CLEC2A: variants seen among roughly 807,000 people sequenced by gnomAD.
CLEC2A encodes the protein C-type lectin domain family 2 member A, also known as keratinocyte-associated C-type lectin.
A neutral mutation model predicts 18.6 loss-of-function variants in CLEC2A; 19 were observed. That is an observed-to-expected ratio of 1.02 (90% CI 0.71 to 1.50). CLEC2A has a LOEUF of 1.50. CLEC2A is among the 40% of genes most tolerant of loss of function. The pLI, the probability that CLEC2A is intolerant of heterozygous loss-of-function variation, is 0.00. For missense variants in CLEC2A, 190 were observed against 207.9 expected (o/e 0.91, Z 0.53); for synonymous variants, 74 against 64.0 (o/e 1.16, Z -0.75).
At chr12:9,926,213 C>T (rs907959877) in intron 2 of CLEC2A, 47 bp downstream of exon 2, 5 of 1,145,946 alleles carry the variant, frequency 4.4e-6, no homozygotes, top group South Asian at 4.0e-5. Flanking sequence ...TACATGGACC[C>T]TTCAGGAGTG....
downstream of CLEC2A, among the ~76,000 whole-genome samples, chr12:9,910,390 T>C (rs1862967183): frequency 6.6e-6 from 1 of 152,160 alleles, no homozygotes; most frequent in Non-Finnish European, 1.5e-5. Context: ...CAACCTCCCC[T>C]CTATTGGAGG....
Position 9,924,757 on chromosome 12 carries a change from G to C in CLEC2A, c.139+1503C>G, listed in dbSNP as rs768223236. 7.2e-5 allele frequency among the ~76,000 whole-genome samples: 11 copies of C among 152,188 alleles called. No individual in the cohort carries two copies. In the South Asian group the frequency reaches 1.0e-3, roughly 14 times the overall value. On this transcript the variant is annotated intron_variant, in intron 2 of 4. Transcript: ENST00000455827. ...TTTAACTTAATATGATAGTGAAGGA[G>C]TTCAGAACATGATGCCCCGAAATAT...
chr12:9,899,308 T>C (rs1862793922), intron 4 of CLEC2A, among the ~76,000 whole-genome samples: 1 of 152,016 alleles, frequency 6.6e-6, no homozygotes, highest in African/African-American at 2.4e-5. Context: ...TATCTCATAG[T>C]ATGGAGACAC....
chr12:9,913,122 G>A (rs569466016), downstream of CLEC2A: 13 of 176,098 alleles, frequency 7.4e-5, no homozygotes, highest in Non-Finnish European at 1.1e-4. Flanking sequence ...TTTTTTTCAC[G>A]AACCTACTAT....
chr12:9,906,960 T>C (rs779491209), intron 4 of CLEC2A, among the ~76,000 whole-genome samples: 7 of 152,244 alleles, frequency 4.6e-5, no homozygotes, highest in Non-Finnish European at 8.8e-5. Flanking sequence ...CATTTTAAGA[T>C]GCTTGAGTCA....
At chr12:9,898,882 C>T (rs1175487829) in exon 5 of CLEC2A, 3 of 711,246 alleles carry the variant, frequency 4.2e-6, no homozygotes, top group African/African-American at 3.5e-5. Flanking sequence ...GGGGAAACGG[C>T]AGTCAGAGCT....
At chr12:9,929,397 T>C (rs1287713180) in intron 1 of CLEC2A, among the ~76,000 whole-genome samples, 1 of 152,156 alleles carries the variant, frequency 6.6e-6, no homozygotes, top group Non-Finnish European at 1.5e-5. Flanking sequence ...GTAAAAATGC[T>C]GTATAAATTT....
In CLEC2A at chr12:9,913,277, T is replaced by C. The variant is rs1437173231; in HGVS notation, c.*289A>G. 1 of 328,764 alleles carries C rather than the reference T, an allele frequency of 3.0e-6. No homozygotes were observed. 20.4% of individuals were successfully genotyped at this position (328,764 alleles called of 1,614,324 possible). A position where few individuals can be genotyped will look rare whatever the true frequency, so the allele number is the denominator to read the frequency against. ...CCAAAACTCATAAATTGAAAGCTAA[T>C]CACCAGTGTGATGGTATTAGGGGAT... On this transcript the variant is annotated 3_prime_UTR_variant, in exon 5 of 5. Coordinates refer to ENST00000455827, the MANE Select transcript of CLEC2A (RefSeq NM_001130711.2).
At chr12:9,931,969 T>G (rs1863382010) in intron 1 of CLEC2A, among the ~76,000 whole-genome samples, 1 of 152,242 alleles carries the variant, frequency 6.6e-6, no homozygotes, top group Non-Finnish European at 1.5e-5. Flanking sequence ...CTTTTTATTC[T>G]GTATAAAAGT....
the CLEC2A span, among the ~76,000 whole-genome samples, chr12:9,879,292 A>G: frequency 6.6e-6 from 1 of 152,214 alleles, no homozygotes; most frequent in Non-Finnish European, 1.5e-5. Flanking sequence ...GTCTTACCCA[A>G]TCCCCAGACT....
intron 4 of CLEC2A, among the ~76,000 whole-genome samples, chr12:9,901,214 C>G (rs1862824772): frequency 6.6e-6 from 1 of 152,170 alleles, no homozygotes; most frequent in East Asian, 1.9e-4. Context: ...GACCCCTGTA[C>G]AGTTTTCTTT....
the CLEC2A span, among the ~76,000 whole-genome samples, chr12:9,882,835 C>A: frequency 1.7e-3 from 261 of 152,200 alleles, 1 homozygote; most frequent in African/African-American, 5.9e-3. Context: ...AAATGTATGG[C>A]TCTGGGCAGA....
chr12:9,881,136 A>G, the CLEC2A span, among the ~76,000 whole-genome samples: 1 of 152,242 alleles, frequency 6.6e-6, no homozygotes, highest in Non-Finnish European at 1.5e-5. Context: ...CTAGTCAAAT[A>G]TGTCCCAAAT....
At chr12:9,903,907 G>A (rs1330795655) in intron 4 of CLEC2A, among the ~76,000 whole-genome samples, 1 of 152,150 alleles carries the variant, frequency 6.6e-6, no homozygotes, top group Non-Finnish European at 1.5e-5. Context: ...CTTGTTTTAT[G>A]ATGCTTTGTT....
At chr12:9,890,777 C>T in the CLEC2A span, among the ~76,000 whole-genome samples, 3 of 152,260 alleles carry the variant, frequency 2.0e-5, no homozygotes, top group South Asian at 4.1e-4. Flanking sequence ...AGTGATATTT[C>T]GTCATATTCA....
chr12:9,893,246 A>C, the CLEC2A span: 1 of 1,362,394 alleles, frequency 7.3e-7, no homozygotes, highest in Non-Finnish European at 9.9e-7. Context: ...GAAGCTTGGG[A>C]GGTTTATTGT....
At chr12:9,911,691 G>T (rs369536395), downstream of CLEC2A, among the ~76,000 whole-genome samples, 10 of 152,222 alleles carry the variant, frequency 6.6e-5, no homozygotes, top group African/African-American at 2.4e-4. Flanking sequence ...CTTGATCCAA[G>T]CACTTTTCTT....
downstream of CLEC2A, among the ~76,000 whole-genome samples, chr12:9,893,786 C>T (rs1862718269): frequency 6.6e-6 from 1 of 151,860 alleles, no homozygotes; most frequent in African/African-American, 2.4e-5. Flanking sequence ...CATTTTGTCA[C>T]CTGGCAGTTT....
Position 9,913,498 on chromosome 12 carries a change from C to G in CLEC2A, c.*68G>C. On this transcript the variant is annotated 3_prime_UTR_variant, in exon 5 of 5. Coordinates refer to ENST00000455827, the MANE Select transcript of CLEC2A (RefSeq NM_001130711.2). ...TTCTGTAACAGAATAAGTGAGAAAG[C>G]CACTTTTGCATAATTAGCTCTTCTT... 3 of 1,495,958 alleles carry G rather than the reference C, an allele frequency of 2.0e-6. No homozygotes were observed. The East Asian group carries it at 7.5e-5, about 37-fold the overall frequency. The allele number at this position is 1,495,958 out of a possible 1,614,324, so 92.7% of individuals were successfully genotyped here.
Sources: gnomAD v4.1 joint callset for allele counts (sites outside exome capture counted in the v4.1 genomes callset) on GRCh38, gnomAD v4.1.1 for gene constraint, MANE v1.5 for transcripts, NCBI Gene and HGNC (gene_info 2026-07-23, HGNC 2026-07-21) for gene names.